The following BCAT1 variants were observed in gnomAD, a reference collection of about 807,000 sequenced individuals.
BCAT1 encodes branched-chain-amino-acid aminotransferase, cytosolic.
Under a neutral mutation model 52.4 loss-of-function variants are expected in BCAT1, and 48 were observed. That is an observed-to-expected ratio of 0.92 (90% CI 0.73 to 1.16). The LOEUF (loss-of-function observed/expected upper bound fraction) is 1.16. Among genes scored for constraint, BCAT1 ranks in the 50% most tolerant of loss-of-function variants. BCAT1 has a pLI of 0.00. For missense variants in BCAT1, 451 were observed against 457.1 expected (o/e 0.99, Z 0.12); for synonymous variants, 167 against 161.3 (o/e 1.04, Z -0.27).
rs1356741462 is a variant in BCAT1, at chr12:24,811,204, T to C, written c.*6804A>G. The C allele has an allele frequency of 6.6e-6, 1 of 152,224 alleles. No individual in the cohort carries two copies. The highest frequency in any genetic ancestry group is 1.5e-5 in the Non-Finnish European group (1 of 68,036). 9.4% of individuals were successfully genotyped at this position (152,224 alleles called of 1,614,324 possible). A position where few individuals can be genotyped will look rare whatever the true frequency, so the allele number is the denominator to read the frequency against. On this transcript the variant is annotated 3_prime_UTR_variant, in exon 11 of 11. Transcript: ENST00000261192. ...CTCTATCCAGTGGTGTGGTTTCTGGTCTTTCTGGTGTGCTCAATTCTCTCT... is the reference window on the plus strand; with the variant it reads ...CTCTATCCAGTGGTGTGGTTTCTGGCCTTTCTGGTGTGCTCAATTCTCTCT...
intron 1 of BCAT1, among the ~76,000 whole-genome samples, chr12:24,921,051 C>T (rs1943493413): frequency 6.6e-6 from 1 of 152,084 alleles, no homozygotes. Flanking sequence ...TCCCGTGACC[C>T]TCCACGTGTT....
intron 2 of BCAT1, among the ~76,000 whole-genome samples, chr12:24,899,835 T>TA (rs34780543): frequency 2.2e-4 from 32 of 146,456 alleles, no homozygotes; most frequent in Admixed American, 4.7e-4. Flanking sequence ...ACGTGAGAGC[T>TA]AAAAAAAAAA....
intron 5 of BCAT1, among the ~76,000 whole-genome samples, chr12:24,874,919 T>C (rs1306359160): frequency 1.3e-5 from 2 of 151,288 alleles, no homozygotes; most frequent in African/African-American, 4.9e-5. Flanking sequence ...AATCAAAATA[T>C]CTCTTGGACA....
intron 5 of BCAT1, among the ~76,000 whole-genome samples, chr12:24,859,493 T>C (rs1038644010): frequency 6.7e-6 from 1 of 149,552 alleles, no homozygotes; most frequent in Non-Finnish European, 1.5e-5. Flanking sequence ...TAGTGGCGGG[T>C]GCCTGTAGTC....
chr12:24,823,153 C>A (rs923693225), intron 10 of BCAT1, among the ~76,000 whole-genome samples: 3 of 151,568 alleles, frequency 2.0e-5, no homozygotes, highest in African/African-American at 7.3e-5. Context: ...CCTCCCTAGG[C>A]TTAAGGCATC....
chr12:24,830,155 GCCTTCAGGATCA>G, intron 9 of BCAT1: 1 of 330,126 alleles, frequency 3.0e-6, no homozygotes, highest in Non-Finnish European at 5.4e-6. Flanking sequence ...TTGTATACCA[GCCTTCAGGATCA>G]TTTGAAGAAC....
intron 5 of BCAT1, among the ~76,000 whole-genome samples, chr12:24,851,797 C>T (rs2353478): frequency 0.21 from 32,074 of 152,160 alleles, 3,413 homozygotes; most frequent in African/African-American, 0.22. Context: ...TACACACACC[C>T]GCTTTTCTTC....
chr12:24,884,576 A>G (rs1363865803), intron 3 of BCAT1, among the ~76,000 whole-genome samples: 1 of 152,266 alleles, frequency 6.6e-6, no homozygotes, highest in Non-Finnish European at 1.5e-5. Context: ...GTAAACATAT[A>G]TCAAAACACT....
At chr12:24,906,034 C>T (rs989643516) in intron 1 of BCAT1, among the ~76,000 whole-genome samples, 1 of 151,382 alleles carries the variant, frequency 6.6e-6, no homozygotes, top group African/African-American at 2.4e-5. Flanking sequence ...GGTAAAAATA[C>T]AAAAATTAGC....
At chr12:24,843,680 C>A (rs1941246216) in intron 6 of BCAT1, among the ~76,000 whole-genome samples, 1 of 152,096 alleles carries the variant, frequency 6.6e-6, no homozygotes, top group South Asian at 2.1e-4. Flanking sequence ...ATTCCATACT[C>A]TTATAAAAAC....
chr12:24,856,236 T>G (rs944816170), intron 5 of BCAT1, among the ~76,000 whole-genome samples: 9 of 152,176 alleles, frequency 5.9e-5, no homozygotes, highest in African/African-American at 2.2e-4. Flanking sequence ...CTTACTGCAC[T>G]GGGTGAAATA....
chr12:24,899,789 AAC>A lies in BCAT1; in HGVS notation c.78+2023_78+2024del, dbSNP rs1243383372. Among the ~76,000 whole-genome samples, 14 of 148,278 alleles carry A rather than the reference AAC, an allele frequency of 9.4e-5. No homozygotes were observed. The East Asian group carries it at 2.6e-3, about 27-fold the overall frequency. ...TAAGCCAAACACAGAAAAAAAAAAA[AAC>A]CCAGAAAAACAAATATTGCATGTTC... On this transcript the variant is annotated intron_variant, in intron 2 of 10. Coordinates refer to ENST00000261192, the MANE Select transcript of BCAT1 (RefSeq NM_005504.7).
intron 1 of BCAT1, among the ~76,000 whole-genome samples, chr12:24,918,568 T>C (rs572464773): frequency 8.9e-4 from 136 of 152,318 alleles, no homozygotes; most frequent in Non-Finnish European, 1.4e-3. Context: ...TTATTATTAA[T>C]AATATATGTT....
At chr12:24,823,553 T>C (rs549815660) in intron 10 of BCAT1, among the ~76,000 whole-genome samples, 2 of 152,328 alleles carry the variant, frequency 1.3e-5, no homozygotes, top group South Asian at 2.1e-4. Context: ...TGTGGAATTG[T>C]AATCCCCCAT....
chr12:24,863,518 G>A (rs994035469), intron 5 of BCAT1, among the ~76,000 whole-genome samples: 3 of 152,318 alleles, frequency 2.0e-5, no homozygotes, highest in Middle Eastern at 3.4e-3. Flanking sequence ...GGGAAATACA[G>A]GTTGGCAAAT....
At chr12:24,917,263 C>G (rs1419776111) in intron 1 of BCAT1, among the ~76,000 whole-genome samples, 1 of 146,986 alleles carries the variant, frequency 6.8e-6, no homozygotes, top group East Asian at 2.0e-4. Flanking sequence ...ACTGCAAGCT[C>G]CGTCTTGCCG....
rs531107097 is a variant in BCAT1 at position 24,941,314 on chromosome 12, CTA to C, written c.6+7611_6+7612del. 4.0e-3 allele frequency among the ~76,000 whole-genome samples: 611 copies of C among 152,244 alleles called. 4 individuals carry two copies. Among genetic ancestry groups the C allele is most frequent in the African/African-American group, 0.014 (586 of 41,530 alleles). ...GGCATTAAGCTACATGAGTTTGCAG[CTA>C]TATGAGTCTGGCAATAGGCATTAAT... is the stretch of plus-strand genomic sequence containing the variant. On this transcript the variant is annotated intron_variant, in intron 1 of 10. Coordinates refer to ENST00000261192, the MANE Select transcript of BCAT1 (RefSeq NM_005504.7).
chr12:24,846,204 TGAAAA>T (rs1941339886), intron 6 of BCAT1, among the ~76,000 whole-genome samples: 1 of 152,250 alleles, frequency 6.6e-6, no homozygotes, highest in African/African-American at 2.4e-5. Context: ...TTCAATGCAC[TGAAAA>T]GAAAAGGGTT....
At chr12:24,822,212 C>A (rs1044035356) in intron 10 of BCAT1, among the ~76,000 whole-genome samples, 2 of 152,188 alleles carry the variant, frequency 1.3e-5, no homozygotes, top group African/African-American at 2.4e-5. Flanking sequence ...TTGAAAAATT[C>A]TTCTCTTAGG....
Sources: gnomAD v4.1 joint callset for allele counts (sites outside exome capture counted in the v4.1 genomes callset) on GRCh38, gnomAD v4.1.1 for gene constraint, MANE v1.5 for transcripts, NCBI Gene and HGNC (gene_info 2026-07-23, HGNC 2026-07-21) for gene names.